Variants in REXO1 observed in about 807,000 individuals in gnomAD.
REXO1 encodes RNA exonuclease 1 homolog.
REXO1 carries 42 observed loss-of-function variants against 102.6 expected under a neutral mutation model. That is an observed-to-expected ratio of 0.41 (90% CI 0.32 to 0.53). The LOEUF is 0.53. Among genes scored for constraint, REXO1 ranks in the 20% least tolerant of loss-of-function variants. REXO1 has a pLI of 0.27. For missense variants in REXO1, 1,819 were observed against 1,732.5 expected, an observed-to-expected ratio of 1.05 and a Z score of -0.89; for synonymous variants, 908 against 779.1, an observed-to-expected ratio of 1.17 and a Z score of -2.76.
intron 1 of REXO1, among the ~76,000 whole-genome samples, chr19:1,840,160 GCTCT>G (rs1389580732): frequency 6.6e-6 from 1 of 152,208 alleles, no homozygotes; most frequent in African/African-American, 2.4e-5. Flanking sequence ...CCAAGCACAC[GCTCT>G]CTGCCACCTT....
intron 1 of REXO1, among the ~76,000 whole-genome samples, chr19:1,844,846 G>A (rs1001763876): frequency 6.6e-6 from 1 of 152,238 alleles, no homozygotes; most frequent in African/African-American, 2.4e-5. Context: ...CGCAGCACTA[G>A]CATCCCCTCA....
At chr19:1,824,867 C>T (rs1034624476) in intron 3 of REXO1, among the ~76,000 whole-genome samples, 1 of 152,042 alleles carries the variant, frequency 6.6e-6, no homozygotes, top group African/African-American at 2.4e-5. Context: ...CTCATTGAAT[C>T]CTCCACCTCC....
intron 1 of REXO1, among the ~76,000 whole-genome samples, chr19:1,829,829 G>A (rs1463055652): frequency 6.6e-6 from 1 of 152,156 alleles, no homozygotes; most frequent in African/African-American, 2.4e-5. Context: ...AATTTGTAGA[G>A]GTGGAGTCTC....
At chr19:1,840,412 C>G (rs781507182) in intron 1 of REXO1, among the ~76,000 whole-genome samples, 4 of 152,086 alleles carry the variant, frequency 2.6e-5, no homozygotes, top group Non-Finnish European at 5.9e-5. Context: ...ACCGCAGGAG[C>G]GCTCCCAGGC....
chr19:1,842,046 A>G (rs2011308417), intron 1 of REXO1, among the ~76,000 whole-genome samples: 1 of 152,120 alleles, frequency 6.6e-6, no homozygotes, highest in Non-Finnish European at 1.5e-5. Flanking sequence ...CCCCATCTCT[A>G]CTAAAAATAC....
At chr19:1,821,046 CA>C (rs1408492763) in intron 5 of REXO1, among the ~76,000 whole-genome samples, 1 of 147,688 alleles carries the variant, frequency 6.8e-6, no homozygotes, top group South Asian at 2.1e-4. Flanking sequence ...CAAGACAAAA[CA>C]AAAAAACACC....
At chr19:1,820,939 C>G (rs1399883813) in intron 5 of REXO1, among the ~76,000 whole-genome samples, 6 of 151,338 alleles carry the variant, frequency 4.0e-5, no homozygotes, top group Non-Finnish European at 5.9e-5. Flanking sequence ...GTCGAGGTTG[C>G]AGTGAGCCAT....
intron 12 of REXO1, 74 bp downstream of exon 12, chr19:1,817,145 G>GCCAGATGGGC (rs926966985): frequency 1.3e-6 from 2 of 1,575,802 alleles, no homozygotes; most frequent in African/African-American, 2.7e-5. Flanking sequence ...CCCAGATGGG[G>GCCAGATGGGC]CCAGATGGGG....
chr19:1,828,431 G>A lies in REXO1; in HGVS notation c.358C>T (p.Arg120Cys), dbSNP rs766572646. ...GCCAGGGCGGGGGCCTCGGCGGAGC[G>A]GTGCTCACGGGTCGTCTCCAGCAGC... ...RELLETTREH[R>C]SAEAPALAPR... The change falls in exon 2 of 16, where the codon CGC (arginine) becomes TGC (cysteine). Residue 120 changes from arginine to cysteine, a missense_variant. Transcript: ENST00000170168. The A allele has an allele frequency of 2.1e-5, 33 of 1,608,598 alleles. No homozygotes were observed. Among genetic ancestry groups the A allele is most frequent in the East Asian group, 6.7e-5 (3 of 44,798 alleles).
At chr19:1,817,665 C>T (rs770951375) in intron 11 of REXO1, 42 bp downstream of exon 11, 1 of 1,588,486 alleles carries the variant, frequency 6.3e-7, no homozygotes, top group South Asian at 1.1e-5. Context: ...AGGCAGAAGT[C>T]TGTTGAGAAC....
Position 1,816,747 on chromosome 19 carries a change from A to G in REXO1, c.3268T>C (p.Tyr1090His). ...TVVDTDVHVVYDTFVKPDNEI... is the reference protein window; with the variant it reads ...TVVDTDVHVVHDTFVKPDNEI... ...TTGTCAGGCTTCACGAAGGTGTCAT[A>G]AACCACGTGCACGTCCGTGTCGACC... Residue 1090 changes from tyrosine (Y) to histidine (H), a missense_variant, in exon 13 of 16, where the codon TAT (tyrosine) becomes CAT (histidine). Transcript: ENST00000170168. 6.2e-7 allele frequency: 1 copy of G among 1,612,852 alleles called. No individual in the cohort carries two copies. Among genetic ancestry groups the G allele is most frequent in the Non-Finnish European group, 8.5e-7 (1 of 1,179,864 alleles).
At chr19:1,822,716 G>C in intron 4 of REXO1, 1 of 152,482 alleles carries the variant, frequency 6.6e-6, no homozygotes, top group Non-Finnish European at 1.5e-5. Context: ...GGGGGCTCTG[G>C]GGAGGGGAGG....
intron 1 of REXO1, among the ~76,000 whole-genome samples, chr19:1,838,382 G>A (rs2070102781): frequency 6.6e-6 from 1 of 151,412 alleles, no homozygotes; most frequent in African/African-American, 2.4e-5. Flanking sequence ...ACTTTGGAAA[G>A]TCGAAGCGGG....
Position 1,816,439 on chromosome 19 carries a change from C to T in REXO1, c.3448G>A (p.Ala1150Thr). ...IGHSLESDLL[A>T]LKVIHSTVVD... ...CCGGGCCGGCAGGGCACCTTCAGGGCCAGGAGGTCGCTCTCCAGGCTGTGT... is the reference window on the plus strand; with the variant it reads ...CCGGGCCGGCAGGGCACCTTCAGGGTCAGGAGGTCGCTCTCCAGGCTGTGT... Residue 1150 changes from alanine (A) to threonine (T), a missense_variant, in exon 14 of 16, where the codon GCC (alanine) becomes ACC (threonine). Physicochemically the swap from Ala to Thr is moderately conservative, Grantham distance 58. Coordinates refer to ENST00000170168, the MANE Select transcript of REXO1 (RefSeq NM_020695.4). 2 of 1,611,696 alleles carry T rather than the reference C, an allele frequency of 1.2e-6. No homozygotes were observed. The highest frequency in any genetic ancestry group is 1.3e-5 in the African/African-American group (1 of 75,028).
At chr19:1,832,014 A>C (rs2069920119) in intron 1 of REXO1, among the ~76,000 whole-genome samples, 1 of 151,790 alleles carries the variant, frequency 6.6e-6, no homozygotes, top group South Asian at 2.1e-4. Context: ...CTCAGCCAAT[A>C]GACTGCAGGT....
chr19:1,816,359 C>T lies in REXO1; in HGVS notation c.3457-14G>A. ...GCTGTGGATGACCTGTGGGCAGCGG[C>T]AGAGATCAGCGCACGTGGGGCCTGC... is the stretch of plus-strand genomic sequence containing the variant. On this transcript the variant is annotated splice_polypyrimidine_tract_variant and intron_variant, in intron 14 of 15. Transcript: ENST00000170168. 2 of 1,589,650 alleles carry T rather than the reference C, an allele frequency of 1.3e-6. No individual in the cohort carries two copies. Among genetic ancestry groups the T allele is most frequent in the Non-Finnish European group, 1.7e-6 (2 of 1,167,036 alleles).
intron 1 of REXO1, among the ~76,000 whole-genome samples, chr19:1,841,846 C>A (rs949296485): frequency 3.3e-5 from 5 of 152,174 alleles, no homozygotes; most frequent in African/African-American, 4.8e-5. Context: ...GCTCTGGGGG[C>A]AGGGACGGTG....
intron 5 of REXO1, among the ~76,000 whole-genome samples, chr19:1,821,192 A>AAAAAAAAAAT (rs1279026515): frequency 6.6e-6 from 1 of 151,588 alleles, no homozygotes; most frequent in African/African-American, 2.4e-5. Context: ...CTAAAAATAC[A>AAAAAAAAAAT]AAAACAGCCA....
At chr19:1,832,932 A>C (rs954453739) in intron 1 of REXO1, among the ~76,000 whole-genome samples, 1 of 145,570 alleles carries the variant, frequency 6.9e-6, no homozygotes, top group East Asian at 2.1e-4. Flanking sequence ...AAAAAAAAAA[A>C]AAAAATTACA....
Sources: gnomAD v4.1 joint callset for allele counts (sites outside exome capture counted in the v4.1 genomes callset) on GRCh38, gnomAD v4.1.1 for gene constraint, MANE v1.5 for transcripts, NCBI Gene and HGNC (gene_info 2026-07-23, HGNC 2026-07-21) for gene names.